The following TBL1XR1 variants were observed in gnomAD, a reference collection of about 807,000 sequenced individuals.
TBL1XR1 encodes the protein F-box-like/WD repeat-containing protein TBL1XR1.
Under a neutral mutation model 66.9 loss-of-function variants are expected in TBL1XR1, and 5 were observed. The ratio of observed to expected loss-of-function variants is 0.07; its 90% CI spans 0.04 to 0.16. TBL1XR1 has a LOEUF of 0.16. Among genes scored for constraint, TBL1XR1 ranks in the 10% least tolerant of loss-of-function variants. TBL1XR1 has a pLI of 1.00. For synonymous variants in TBL1XR1, 210 were observed against 206.0 expected (o/e 1.02, Z -0.17); for missense variants, 238 against 623.2 (o/e 0.38, Z 6.58).
At chr3:177,158,224 C>A (rs1015455431) in intron 1 of TBL1XR1, among the ~76,000 whole-genome samples, 1 of 139,682 alleles carries the variant, frequency 7.2e-6, no homozygotes. Context: ...GGATTTGTTT[C>A]TTTTCTTTTT....
At chr3:177,070,853 A>T (rs1296543527) in intron 2 of TBL1XR1, among the ~76,000 whole-genome samples, 1 of 151,850 alleles carries the variant, frequency 6.6e-6, no homozygotes, top group Non-Finnish European at 1.5e-5. Flanking sequence ...CTCAAAAAAA[A>T]AATAAATAAA....
chr3:177,074,601 C>T (rs1452452083), intron 2 of TBL1XR1, among the ~76,000 whole-genome samples: 13 of 152,182 alleles, frequency 8.5e-5, no homozygotes, highest in Admixed American at 8.5e-4. Context: ...ATCTGATCCC[C>T]GGCATTCTAA....
chr3:177,175,930 G>A (rs374604257), intron 1 of TBL1XR1, among the ~76,000 whole-genome samples: 42 of 151,528 alleles, frequency 2.8e-4, no homozygotes, highest in African/African-American at 9.7e-4. Context: ...GGTGGTGGGC[G>A]CCTGTAGTCC....
intron 1 of TBL1XR1, among the ~76,000 whole-genome samples, chr3:177,163,330 A>C (rs1002303669): frequency 3.3e-5 from 5 of 152,036 alleles, no homozygotes; most frequent in Non-Finnish European, 5.9e-5. Flanking sequence ...AACATGAGGA[A>C]ACCCCGTCTC....
chr3:177,092,757 T>A (rs1722998360), intron 2 of TBL1XR1, among the ~76,000 whole-genome samples: 1 of 151,454 alleles, frequency 6.6e-6, no homozygotes, highest in African/African-American at 2.4e-5. Flanking sequence ...GATCCAGCAA[T>A]CCCTCTTCTG....
intron 1 of TBL1XR1, among the ~76,000 whole-genome samples, chr3:177,111,772 A>T (rs1347578396): frequency 6.6e-6 from 1 of 151,948 alleles, no homozygotes; most frequent in Non-Finnish European, 1.5e-5. Context: ...TTCACTTTAG[A>T]TTTCAGATGA....
At chr3:177,114,372 T>C (rs1312680437) in intron 1 of TBL1XR1, among the ~76,000 whole-genome samples, 1 of 152,018 alleles carries the variant, frequency 6.6e-6, no homozygotes, top group Non-Finnish European at 1.5e-5. Flanking sequence ...AGTGTTATCA[T>C]AGCTCACTGC....
At chr3:177,122,349 T>C (rs1003153885) in intron 1 of TBL1XR1, among the ~76,000 whole-genome samples, 2 of 150,334 alleles carry the variant, frequency 1.3e-5, no homozygotes, top group African/African-American at 2.4e-5. Context: ...GTTAAGAATG[T>C]CACGCCTGAT....
intron 1 of TBL1XR1, among the ~76,000 whole-genome samples, chr3:177,119,356 C>G (rs892212386): frequency 2.0e-5 from 3 of 152,164 alleles, no homozygotes; most frequent in African/African-American, 7.2e-5. Context: ...GATCCTGGAA[C>G]CTTTTCCACA....
At chr3:177,173,387 T>C (rs996348004) in intron 1 of TBL1XR1, among the ~76,000 whole-genome samples, 1 of 152,150 alleles carries the variant, frequency 6.6e-6, no homozygotes, top group Non-Finnish European at 1.5e-5. Flanking sequence ...GCGAAGGAAC[T>C]TGGCACACAT....
intron 3 of TBL1XR1, among the ~76,000 whole-genome samples, chr3:177,060,663 C>T (rs937359133): frequency 1.3e-5 from 2 of 152,150 alleles, no homozygotes; most frequent in Non-Finnish European, 2.9e-5. Flanking sequence ...ACCACAACTG[C>T]AAATAACTAA....
At chr3:177,173,283 G>A (rs1018211416) in intron 1 of TBL1XR1, among the ~76,000 whole-genome samples, 34 of 152,136 alleles carry the variant, frequency 2.2e-4, no homozygotes, top group African/African-American at 7.2e-4. Flanking sequence ...CCTCTAGTAC[G>A]TAGAACTTAA....
At chr3:177,185,585 G>C (rs545960133) in intron 1 of TBL1XR1, among the ~76,000 whole-genome samples, 1 of 148,766 alleles carries the variant, frequency 6.7e-6, no homozygotes, top group African/African-American at 2.5e-5. Flanking sequence ...TCCAGTCTGG[G>C]TCACAGAATG....
chr3:177,030,117 T>C (rs1479523014), intron 14 of TBL1XR1, among the ~76,000 whole-genome samples: 1 of 145,092 alleles, frequency 6.9e-6, no homozygotes, highest in Non-Finnish European at 1.5e-5. Context: ...TGTGTGTGTG[T>C]GTGTATATAT....
At chr3:177,082,737 A>AC (rs1721560139) in intron 2 of TBL1XR1, among the ~76,000 whole-genome samples, 1 of 9,556 alleles carries the variant, frequency 1.0e-4, no homozygotes, top group African/African-American at 3.5e-4. Flanking sequence ...TAAGATAGAG[A>AC]TTATATATAT....
intron 1 of TBL1XR1, among the ~76,000 whole-genome samples, chr3:177,115,877 G>A (rs775249557): frequency 5.3e-5 from 8 of 152,180 alleles, no homozygotes; most frequent in Non-Finnish European, 1.0e-4. Context: ...ATAAATACTT[G>A]CTTTCCTAAC....
rs577391463 is a variant in TBL1XR1, at chr3:177,019,968, TAGAG to T, written c.*5526_*5529del. On this transcript the variant is annotated 3_prime_UTR_variant, in exon 16 of 16. Coordinates refer to ENST00000457928, the MANE Select transcript of TBL1XR1 (RefSeq NM_024665.7). The stretch of plus-strand genomic sequence containing the variant: ...AAATAAACAGGAAAAATAGAAGACC[TAGAG>T]AGTGTAAATTCTTAAAAAAAAAAAA... 1 of 147,504 alleles carries T rather than the reference TAGAG, an allele frequency of 6.8e-6. No homozygotes were observed. Among genetic ancestry groups the T allele is most frequent in the African/African-American group, 2.5e-5 (1 of 40,072 alleles). 9.1% of individuals were successfully genotyped at this position (147,504 alleles called of 1,614,324 possible).
intron 1 of TBL1XR1, among the ~76,000 whole-genome samples, chr3:177,189,199 C>T (rs1735809270): frequency 6.6e-6 from 1 of 150,398 alleles, no homozygotes; most frequent in South Asian, 2.1e-4. Flanking sequence ...CAGAATGAGT[C>T]TTTGTCTCAA....
At chr3:177,074,490 C>A (rs1251629493) in intron 2 of TBL1XR1, among the ~76,000 whole-genome samples, 1 of 152,158 alleles carries the variant, frequency 6.6e-6, no homozygotes, top group African/African-American at 2.4e-5. Context: ...TTCCCTAGAT[C>A]AACCTTTTTC....
Sources: gnomAD v4.1 joint callset for allele counts (sites outside exome capture counted in the v4.1 genomes callset) on GRCh38, gnomAD v4.1.1 for gene constraint, MANE v1.5 for transcripts, NCBI Gene and HGNC (gene_info 2026-07-23, HGNC 2026-07-21) for gene names.